The following ABCC4 variants were observed in gnomAD, a reference collection of about 807,000 sequenced individuals.
The protein encoded by ABCC4 is ATP-binding cassette sub-family C member 4.
ABCC4 carries 102 observed loss-of-function variants against 168.5 expected under a neutral mutation model. That is an observed-to-expected ratio of 0.61 (90% CI 0.52 to 0.71). The LOEUF is 0.71. Among genes scored for constraint, ABCC4 ranks in the 30% least tolerant of loss-of-function variants. The pLI is 0.00. For synonymous variants in ABCC4, 617 were observed against 590.7 expected (o/e 1.04, Z -0.65); for missense variants, 1,402 against 1,605.8 (o/e 0.87, Z 2.17).
chr13:95,075,762 G>A, intron 21 of ABCC4: 1 of 494,564 alleles, frequency 2.0e-6, no homozygotes, highest in Non-Finnish European at 3.5e-6. Flanking sequence ...CTCACATAAG[G>A]GGCCTGGAAA....
rs577156764 is a variant in ABCC4, at chr13:95,214,670, G to A, written c.532-3889C>T. On this transcript the variant is annotated intron_variant, in intron 4 of 30. Coordinates refer to ENST00000645237, the MANE Select transcript of ABCC4 (RefSeq NM_005845.5). ...GGTGGTTGAGGCGGGCAGATCACTC[G>A]AGCCCAGGACTTCGAGACCAGCCTG... Among the ~76,000 whole-genome samples, 10 of 151,972 alleles carry A rather than the reference G, an allele frequency of 6.6e-5. No homozygotes were observed. In the South Asian group the frequency reaches 1.7e-3, roughly 25 times the overall value.
intron 6 of ABCC4, 37 bp downstream of exon 6, chr13:95,209,397 A>C: frequency 6.2e-7 from 1 of 1,603,924 alleles, no homozygotes; most frequent in Non-Finnish European, 8.5e-7. Context: ...ATGTTACCAA[A>C]TACATATGAC....
intron 19 of ABCC4, among the ~76,000 whole-genome samples, chr13:95,150,930 T>C (rs1390025670): frequency 1.3e-5 from 2 of 152,198 alleles, no homozygotes; most frequent in Admixed American, 1.3e-4. Context: ...TTTATTTTGT[T>C]TCCTGAACAC....
intron 19 of ABCC4, among the ~76,000 whole-genome samples, chr13:95,152,430 G>A (rs1251169179): frequency 6.6e-6 from 1 of 152,120 alleles, no homozygotes; most frequent in Non-Finnish European, 1.5e-5. Flanking sequence ...CAGATACAGT[G>A]TATCCAATCC....
chr13:95,279,024 C>T (rs2041046297), intron 1 of ABCC4, among the ~76,000 whole-genome samples: 1 of 151,466 alleles, frequency 6.6e-6, no homozygotes, highest in Non-Finnish European at 1.5e-5. Flanking sequence ...ATCTAATAGA[C>T]AATCCAGATA....
At chr13:95,038,669 G>A (rs990152375) in intron 29 of ABCC4, among the ~76,000 whole-genome samples, 4 of 152,314 alleles carry the variant, frequency 2.6e-5, no homozygotes, top group African/African-American at 9.6e-5. Flanking sequence ...GCTTGCTCTT[G>A]TTCACTGTTG....
Position 95,034,590 on chromosome 13 carries a change from T to C in ABCC4, c.3870+15A>G. ...TGAGACAAACTTTAATTACAACTCCTTGGAGCACGCTCACCTGTTTTGCTG... is the reference window on the plus strand; with the variant it reads ...TGAGACAAACTTTAATTACAACTCCCTGGAGCACGCTCACCTGTTTTGCTG... On this transcript the variant is annotated intron_variant, in intron 30 of 30. Coordinates refer to ENST00000645237, the MANE Select transcript of ABCC4 (RefSeq NM_005845.5). 4 of 1,609,046 alleles carry C rather than the reference T, an allele frequency of 2.5e-6. No homozygotes were observed. Among genetic ancestry groups the C allele is most frequent in the South Asian group, 1.1e-5 (1 of 90,636 alleles).
chr13:95,117,179 A>G (rs2035406807), intron 19 of ABCC4, among the ~76,000 whole-genome samples: 1 of 151,790 alleles, frequency 6.6e-6, no homozygotes, highest in African/African-American at 2.4e-5. Flanking sequence ...TGGCAGGCCC[A>G]GTGACAACTT....
intron 4 of ABCC4, among the ~76,000 whole-genome samples, chr13:95,232,013 G>A (rs891595490): frequency 6.6e-6 from 1 of 152,088 alleles, no homozygotes; most frequent in African/African-American, 2.4e-5. Flanking sequence ...GTATGATCTT[G>A]AAAGACAAAA....
intron 19 of ABCC4, among the ~76,000 whole-genome samples, chr13:95,147,308 G>A (rs1370910245): frequency 6.6e-6 from 1 of 152,190 alleles, no homozygotes; most frequent in Non-Finnish European, 1.5e-5. Flanking sequence ...AGTAACAGGA[G>A]TTATCTATGT....
intron 27 of ABCC4, among the ~76,000 whole-genome samples, chr13:95,045,636 A>G (rs2032545323): frequency 6.6e-6 from 1 of 152,176 alleles, no homozygotes; most frequent in South Asian, 2.1e-4. Context: ...CTGATACTAC[A>G]TTGGGTGGTG....
rs5805905 is a variant in ABCC4 at position 95,126,816 on chromosome 13, C to CACCAAAT, written c.2456-10816_2456-10815insATTTGGT. Among the ~76,000 whole-genome samples, 78 of 35,168 alleles carry CACCAAAT rather than the reference C, an allele frequency of 2.2e-3. 2 individuals are homozygous for CACCAAAT. Among genetic ancestry groups the CACCAAAT allele is most frequent in the South Asian group, 4.2e-3 (2 of 476 alleles). 23.1% of individuals were successfully genotyped at this position (35,168 alleles called of 152,430 possible). On this transcript the variant is annotated intron_variant, in intron 19 of 30. Transcript: ENST00000645237. ...TATATTTATATATATTTAAGTACAC[C>CACCAAAT]ATATATATTTATATATATTTAAGTA...
At chr13:95,208,335 CAAA>C (rs757937530) in intron 6 of ABCC4, among the ~76,000 whole-genome samples, 1 of 75,794 alleles carries the variant, frequency 1.3e-5, no homozygotes, top group Non-Finnish European at 2.7e-5. Flanking sequence ...AAGAGGAGAG[CAAA>C]AAAAAAAAAA....
At chr13:95,033,662 CTTT>C (rs56165679) in intron 30 of ABCC4, among the ~76,000 whole-genome samples, 14 of 133,696 alleles carry the variant, frequency 1.0e-4, no homozygotes, top group Non-Finnish European at 8.3e-5. Context: ...GCAATTACAT[CTTT>C]TTTTTTTTTT....
At chr13:95,186,494 G>A (rs570666355) in intron 11 of ABCC4, among the ~76,000 whole-genome samples, 23 of 152,162 alleles carry the variant, frequency 1.5e-4, no homozygotes, top group African/African-American at 5.1e-4. Flanking sequence ...CCAAACCCCC[G>A]AAATTCACCC....
At chr13:95,113,569 A>AC (rs2035275515) in intron 20 of ABCC4, among the ~76,000 whole-genome samples, 1 of 992 alleles carries the variant, frequency 1.0e-3, no homozygotes, top group East Asian at 4.0e-3. Context: ...AGGCAACTTA[A>AC]AAAAAAAAAA....
intron 20 of ABCC4, among the ~76,000 whole-genome samples, chr13:95,091,384 A>T (rs921164642): frequency 6.6e-6 from 1 of 152,214 alleles, no homozygotes; most frequent in African/African-American, 2.4e-5. Context: ...GAATCTTAAG[A>T]GCTGTGAGAC....
At chr13:95,098,418 G>GA (rs917700321) in intron 20 of ABCC4, among the ~76,000 whole-genome samples, 2 of 151,276 alleles carry the variant, frequency 1.3e-5, no homozygotes, top group Non-Finnish European at 2.9e-5. Context: ...GAATTCACTG[G>GA]AAAAAAAATC....
chr13:95,054,516 C>G (rs184942830), intron 26 of ABCC4, among the ~76,000 whole-genome samples: 1 of 151,396 alleles, frequency 6.6e-6, no homozygotes, highest in African/African-American at 2.4e-5. Context: ...TCACTGCACT[C>G]CAGCCTGGGC....
Sources: allele counts gnomAD v4.1 joint callset (sites outside exome capture counted in the v4.1 genomes callset), GRCh38; gene constraint gnomAD v4.1.1; transcripts MANE v1.5; gene names NCBI Gene and HGNC (gene_info 2026-07-23, HGNC 2026-07-21).